Variants in KCNQ1 observed in about 807,000 individuals in gnomAD.
KCNQ1 encodes the protein potassium voltage-gated channel subfamily KQT member 1.
Under a neutral mutation model 72.4 loss-of-function variants are expected in KCNQ1, and 49 were observed. The ratio of observed to expected loss-of-function variants is 0.68; its 90% CI spans 0.54 to 0.86. KCNQ1 has a LOEUF of 0.86. Ranked by LOEUF, KCNQ1 falls within the 40% of genes least tolerant of loss-of-function variation. KCNQ1 has a pLI of 0.00. For missense variants in KCNQ1, 790 were observed against 945.1 expected, an observed-to-expected ratio of 0.84 and a Z score of 2.15; for synonymous variants, 450 against 412.6, an observed-to-expected ratio of 1.09 and a Z score of -1.10.
At chr11:2,656,895 T>C (rs1849860156) in intron 10 of KCNQ1, 1 of 398,516 alleles carries the variant, frequency 2.5e-6, no homozygotes, top group South Asian at 1.3e-4. Flanking sequence ...GAATTTTTGG[T>C]ATATGATGTG....
chr11:2,833,943 C>A (rs977282007), intron 15 of KCNQ1, among the ~76,000 whole-genome samples: 17 of 152,354 alleles, frequency 1.1e-4, no homozygotes, highest in African/African-American at 3.6e-4. Context: ...CCTGCTCCCC[C>A]ACCTCCTCAC....
intron 11 of KCNQ1, among the ~76,000 whole-genome samples, chr11:2,744,348 T>C (rs1846102997): frequency 6.6e-6 from 1 of 152,182 alleles, no homozygotes; most frequent in South Asian, 2.1e-4. Flanking sequence ...CTGCACCAGC[T>C]TGTGTAGCAG....
intron 11 of KCNQ1, chr11:2,684,968 G>C (rs1850459029): frequency 2.5e-6 from 1 of 398,696 alleles, no homozygotes; most frequent in Non-Finnish European, 4.4e-6. Context: ...GAGTGAAATG[G>C]CTTCCAATTT....
At position 2,652,621 on chromosome 11, in the gene KCNQ1, G is replaced by A; in HGVS notation, c.1394-9340G>A. The A allele has an allele frequency of 2.5e-6, 1 of 398,572 alleles. No homozygotes were observed. The highest frequency in any genetic ancestry group is 4.4e-6 in the Non-Finnish European group (1 of 226,090). The allele number at this position is 398,572 out of a possible 1,614,324, so 24.7% of individuals were successfully genotyped here. On this transcript the variant is annotated intron_variant, in intron 10 of 15. Coordinates refer to ENST00000155840, the MANE Select transcript of KCNQ1 (RefSeq NM_000218.3). The surrounding 1 kb of genome is among the most constrained non-coding windows in gnomAD (Gnocchi z 5.9). ...GAACCTTCCCCTGAAAATGTGTCTT[G>A]GGAGACCTAGACAGTGACTTCCTGC...
At chr11:2,789,281 T>C (rs1237644860) in intron 15 of KCNQ1, among the ~76,000 whole-genome samples, 1 of 152,116 alleles carries the variant, frequency 6.6e-6, no homozygotes, top group Non-Finnish European at 1.5e-5. Context: ...GAGGTGGGAA[T>C]TAATGAAAGT....
intron 10 of KCNQ1, chr11:2,641,489 G>A: frequency 2.5e-6 from 1 of 397,852 alleles, no homozygotes; most frequent in Non-Finnish European, 4.4e-6. Context: ...GAATTAATTT[G>A]TTGTTTACTA....
intron 15 of KCNQ1, among the ~76,000 whole-genome samples, chr11:2,835,071 C>CCTG (rs1054966584): frequency 8.5e-5 from 13 of 152,168 alleles, no homozygotes; most frequent in African/African-American, 1.9e-4. Context: ...GCGGCCCTGT[C>CCTG]CTGGGTGCAG....
At chr11:2,476,019 C>G (rs1462774341) in intron 1 of KCNQ1, among the ~76,000 whole-genome samples, 1 of 152,192 alleles carries the variant, frequency 6.6e-6, no homozygotes, top group African/African-American at 2.4e-5. Flanking sequence ...AAATTAAAAA[C>G]TATTTAAAAT....
In KCNQ1 at chr11:2,600,244, C is replaced by G. The variant is rs1018896444; in HGVS notation, c.1393+11390C>G. ...ACATCTCCACATGTTGCTACATGTC[C>G]CCTGGAGGGCAAAATTGCCCCCAGT... On this transcript the variant is annotated intron_variant, in intron 10 of 15. Transcript: ENST00000155840. This position sits in a 1 kb window ranked among gnomAD's most constrained non-coding sequence, Gnocchi z 5.6. Among the ~76,000 whole-genome samples the G allele has an allele frequency of 6.6e-6, 1 of 152,158 alleles. No homozygotes were observed. The highest frequency in any genetic ancestry group is 2.1e-4 in the South Asian group (1 of 4,822).
chr11:2,570,919 C>A (rs922716251), intron 3 of KCNQ1, among the ~76,000 whole-genome samples, 165 bp downstream of exon 3: 5 of 152,204 alleles, frequency 3.3e-5, no homozygotes, highest in African/African-American at 1.2e-4. Flanking sequence ...CAGCCCTCAG[C>A]AGCCTCTGCA....
At chr11:2,590,823 T>C (rs2133764111) in intron 10 of KCNQ1, among the ~76,000 whole-genome samples, 1 of 152,264 alleles carries the variant, frequency 6.6e-6, no homozygotes, top group East Asian at 1.9e-4. Flanking sequence ...TGGACCCCAC[T>C]GTTCCGGACT....
chr11:2,470,560 C>T (rs904509638), intron 1 of KCNQ1, among the ~76,000 whole-genome samples: 2 of 152,110 alleles, frequency 1.3e-5, no homozygotes, highest in African/African-American at 2.4e-5. Context: ...TCTGTTCAGC[C>T]CTTTGGGAAG....
At chr11:2,556,697 G>A (rs1234911446) in intron 2 of KCNQ1, among the ~76,000 whole-genome samples, 2 of 152,212 alleles carry the variant, frequency 1.3e-5, no homozygotes, top group Non-Finnish European at 2.9e-5. Context: ...GGTGAAGGGA[G>A]AGGGGTGAAA....
chr11:2,651,402 A>G lies in KCNQ1; in HGVS notation c.1394-10559A>G. The G allele has an allele frequency of 7.5e-6, 3 of 398,726 alleles. No homozygotes were observed. The highest frequency in any genetic ancestry group is 7.1e-5 in the East Asian group (2 of 28,080). The allele number at this position is 398,726 out of a possible 1,614,324, so 24.7% of individuals were successfully genotyped here. A position where few individuals can be genotyped will look rare whatever the true frequency, so the allele number is the denominator to read the frequency against. On this transcript the variant is annotated intron_variant, in intron 10 of 15. Coordinates refer to ENST00000155840, the MANE Select transcript of KCNQ1 (RefSeq NM_000218.3). The surrounding 1 kb of genome is among the most constrained non-coding windows in gnomAD (Gnocchi z 6.1). Reference sequence around the variant, plus strand: ...CTGCCCCGGTGGTGGCTCACTTTCCATTCCTTTTGGCCTGCCCTGTGTGCA... The same window carrying G: ...CTGCCCCGGTGGTGGCTCACTTTCCGTTCCTTTTGGCCTGCCCTGTGTGCA...
chr11:2,677,577 A>T lies in KCNQ1; in HGVS notation c.1514+15496A>T. The T allele has an allele frequency of 2.5e-6, 1 of 398,654 alleles. No individual in the cohort carries two copies. The highest frequency in any genetic ancestry group is 3.6e-5 in the East Asian group (1 of 28,078). The allele number at this position is 398,654 out of a possible 1,614,324, so 24.7% of individuals were successfully genotyped here. On this transcript the variant is annotated intron_variant, in intron 11 of 15. Transcript: ENST00000155840. The surrounding 1 kb of genome is among the most constrained non-coding windows in gnomAD (Gnocchi z 4.5). Reference sequence around the variant, plus strand: ...AGATGTTACCATATAATGCTTTACAAAAGACAAACCAAAATCCCCTCTGGA... The same window carrying T: ...AGATGTTACCATATAATGCTTTACATAAGACAAACCAAAATCCCCTCTGGA...
chr11:2,799,553 C>T (rs977482332), intron 15 of KCNQ1, among the ~76,000 whole-genome samples: 3 of 150,442 alleles, frequency 2.0e-5, no homozygotes, highest in South Asian at 2.1e-4. Context: ...CTGCATGTAT[C>T]GTGTGTGTGG....
chr11:2,455,260 G>A (rs1846171071), intron 1 of KCNQ1, among the ~76,000 whole-genome samples: 1 of 152,130 alleles, frequency 6.6e-6, no homozygotes, highest in Non-Finnish European at 1.5e-5. Context: ...ACCACGCCCG[G>A]CTAATTTTTT....
intron 10 of KCNQ1, chr11:2,640,278 A>G (rs948785247): frequency 1.8e-5 from 7 of 397,824 alleles, no homozygotes; most frequent in Non-Finnish European, 3.1e-5. Context: ...AAATGCAGAA[A>G]TCACCCATCT....
In KCNQ1 at chr11:2,464,367, TA is replaced by T. The variant is rs1277751736; in HGVS notation, c.386+18887del. Among the ~76,000 whole-genome samples the T allele has an allele frequency of 3.3e-5, 5 of 152,196 alleles. No homozygotes were observed. Among genetic ancestry groups the T allele is most frequent in the Non-Finnish European group, 7.3e-5 (5 of 68,028 alleles). On this transcript the variant is annotated intron_variant, in intron 1 of 15. Transcript: ENST00000155840. This position sits in a 1 kb window ranked among gnomAD's most constrained non-coding sequence, Gnocchi z 5.0. ...AAAAATAATAAAAGATCATTTAAAT[TA>T]AAATATATAAGTGAGGAGAGGCTGG...
Sources: allele counts gnomAD v4.1 joint callset (sites outside exome capture counted in the v4.1 genomes callset), GRCh38; gene constraint gnomAD v4.1.1; non-coding constraint Gnocchi (gnomAD v3.1); transcripts MANE v1.5; gene names NCBI Gene and HGNC (gene_info 2026-07-23, HGNC 2026-07-21).